Variants in GRM8 observed in about 807,000 individuals in gnomAD.
GRM8 encodes the protein metabotropic glutamate receptor 8.
Under a neutral mutation model 87.2 loss-of-function variants are expected in GRM8, and 47 were observed. The ratio of observed to expected loss-of-function variants is 0.54; its 90% confidence interval spans 0.43 to 0.69. GRM8 has a LOEUF of 0.69. GRM8 is among the 30% of genes least tolerant of loss of function. GRM8 has a pLI of 0.00. For missense variants in GRM8, 1,019 were observed against 1,139.2 expected (o/e 0.89, Z 1.52); for synonymous variants, 396 against 404.5 (o/e 0.98, Z 0.25).
intron 2 of GRM8, among the ~76,000 whole-genome samples, chr7:127,227,758 C>A (rs1797429066): frequency 6.6e-6 from 1 of 152,204 alleles, no homozygotes; most frequent in Non-Finnish European, 1.5e-5. Flanking sequence ...ACATCTGGAA[C>A]AATAGGAAGC....
At chr7:127,098,377 T>C (rs931952424) in intron 3 of GRM8, among the ~76,000 whole-genome samples, 8 of 152,240 alleles carry the variant, frequency 5.3e-5, no homozygotes, top group African/African-American at 1.7e-4. Context: ...TATTCTTTCC[T>C]TTCTGTCATT....
chr7:127,245,183 G>A (rs376412241), intron 1 of GRM8, among the ~76,000 whole-genome samples: 284 of 152,236 alleles, frequency 1.9e-3, no homozygotes, highest in South Asian at 3.5e-3. Flanking sequence ...AAATTACACC[G>A]GCCACCCATT....
At chr7:127,223,408 A>C (rs1797067306) in intron 2 of GRM8, among the ~76,000 whole-genome samples, 1 of 151,292 alleles carries the variant, frequency 6.6e-6, no homozygotes, top group African/African-American at 2.4e-5. Context: ...TTTAGATAAT[A>C]ACCACTCTAC....
At chr7:126,901,139 A>T (rs1277933432) in intron 6 of GRM8, among the ~76,000 whole-genome samples, 1 of 151,806 alleles carries the variant, frequency 6.6e-6, no homozygotes, top group Non-Finnish European at 1.5e-5. Flanking sequence ...ACCTCCCTGA[A>T]CTATTTTTTT....
At chr7:126,788,420 A>AAAAAAAAAAAAAAAACAAAACAAAAAAC in intron 6 of GRM8, among the ~76,000 whole-genome samples, 3 of 81,132 alleles carry the variant, frequency 3.7e-5, no homozygotes, top group African/African-American at 1.4e-4. Context: ...AAAAAAAAAA[A>AAAAAAAAAAAAAAAACAAAACAAAAAAC]AAACCCTTTC....
intron 2 of GRM8, chr7:127,118,330 A>G (rs1826823429): frequency 1.3e-5 from 2 of 152,238 alleles, no homozygotes; most frequent in Non-Finnish European, 2.9e-5. Context: ...AGAGTCCTTT[A>G]TTCCACTACA....
At chr7:126,443,049 A>G (rs1164398813) in intron 10 of GRM8, among the ~76,000 whole-genome samples, 1 of 152,000 alleles carries the variant, frequency 6.6e-6, no homozygotes, top group African/African-American at 2.4e-5. Flanking sequence ...TCATATGAAA[A>G]TCAGTTTTTG....
In GRM8 at chr7:126,930,108, G is replaced by A. The variant is rs1256926796; in HGVS notation, c.728-25425C>T. 3.3e-5 allele frequency among the ~76,000 whole-genome samples: 5 copies of A among 152,278 alleles called. No individual in the cohort carries two copies. The South Asian group carries it at 1.0e-3, about 32-fold the overall frequency. ...CCAATTAGAATGTGATTCTCATGGA[G>A]CAAAGCCCTTACTGAGCTATATTAG... On this transcript the variant is annotated intron_variant, in intron 3 of 10. Transcript: ENST00000339582.
chr7:126,667,969 AC>A, intron 7 of GRM8, among the ~76,000 whole-genome samples: 1 of 152,136 alleles, frequency 6.6e-6, no homozygotes, highest in East Asian at 1.9e-4. Context: ...CAAAAACCAC[AC>A]CCTGTGTGGA....
intron 7 of GRM8, among the ~76,000 whole-genome samples, chr7:126,683,293 A>G (rs1325198890): frequency 6.6e-6 from 1 of 152,200 alleles, no homozygotes; most frequent in African/African-American, 2.4e-5. Flanking sequence ...CCAGCCTTAC[A>G]TTAACCTGGT....
intron 7 of GRM8, among the ~76,000 whole-genome samples, chr7:126,664,436 G>A (rs915693625): frequency 6.6e-6 from 1 of 152,088 alleles, no homozygotes; most frequent in Non-Finnish European, 1.5e-5. Context: ...TATAAAAACA[G>A]ACACATAGAC....
At chr7:127,185,444 T>A (rs1794682005) in intron 2 of GRM8, among the ~76,000 whole-genome samples, 1 of 152,122 alleles carries the variant, frequency 6.6e-6, no homozygotes, top group African/African-American at 2.4e-5. Context: ...GACATAGGCC[T>A]TATACCTTTA....
At chr7:126,492,082 G>T (rs1375992062) in intron 9 of GRM8, among the ~76,000 whole-genome samples, 1 of 151,862 alleles carries the variant, frequency 6.6e-6, no homozygotes, top group Non-Finnish European at 1.5e-5. Flanking sequence ...TTTGAGGCAG[G>T]GTCTCAGTCT....
chr7:126,502,024 TAC>T (rs1340165346), intron 9 of GRM8, among the ~76,000 whole-genome samples: 1 of 152,030 alleles, frequency 6.6e-6, no homozygotes, highest in African/African-American at 2.4e-5. Flanking sequence ...TTGGATTGAT[TAC>T]AGTTACCATA....
chr7:126,988,547 A>G (rs1286041288), intron 3 of GRM8, among the ~76,000 whole-genome samples: 5 of 152,164 alleles, frequency 3.3e-5, no homozygotes, highest in African/African-American at 9.7e-5. Flanking sequence ...TTATGTGCCT[A>G]TTATGTGCTA....
At chr7:126,453,070 AACACACACACACACACACACACACAC>A (rs71177555) in intron 9 of GRM8, among the ~76,000 whole-genome samples, 4 of 145,948 alleles carry the variant, frequency 2.7e-5, no homozygotes, top group Non-Finnish European at 4.5e-5. Flanking sequence ...TTATAGCAGA[AACACACACACACACACACACACACAC>A]ACACACACAC....
rs150916199 is a variant in GRM8, at chr7:126,859,461, G to GT, written c.1156+43080dup. The stretch of plus-strand genomic sequence containing the variant: ...AGAGGGAAAGAGAAAGGAACAAGAA[G>GT]TTTTTGTGTATGTGCAGTTCACATT... On this transcript the variant is annotated intron_variant, in intron 6 of 10. Coordinates refer to ENST00000339582, the MANE Select transcript of GRM8 (RefSeq NM_000845.3). 8.6e-3 allele frequency among the ~76,000 whole-genome samples: 1,306 copies of GT among 152,278 alleles called. 32 individuals are homozygous for GT. Among genetic ancestry groups the GT allele is most frequent in the East Asian group, 0.07 (360 of 5,170 alleles).
chr7:126,547,039 C>G (rs569462353), intron 8 of GRM8, among the ~76,000 whole-genome samples: 101 of 152,206 alleles, frequency 6.6e-4, no homozygotes, highest in African/African-American at 2.2e-3. Flanking sequence ...TATTAGCCAG[C>G]CTTACACAAT....
intron 3 of GRM8, among the ~76,000 whole-genome samples, chr7:127,072,179 G>A (rs1821760309): frequency 6.6e-6 from 1 of 152,020 alleles, no homozygotes; most frequent in Non-Finnish European, 1.5e-5. Context: ...ACATCACCCT[G>A]TACACCCAAC....
Sources: gnomAD v4.1 joint callset for allele counts (sites outside exome capture counted in the v4.1 genomes callset) on GRCh38, gnomAD v4.1.1 for gene constraint, MANE v1.5 for transcripts, NCBI Gene and HGNC (gene_info 2026-07-23, HGNC 2026-07-21) for gene names.